The following TRPC4AP variants were observed in gnomAD, a reference collection of about 807,000 sequenced individuals.
TRPC4AP encodes the protein short transient receptor potential channel 4-associated protein.
Under a neutral mutation model 99.0 loss-of-function variants are expected in TRPC4AP, and 45 were observed. The observed-to-expected ratio is 0.45, with a 90% CI of 0.36 to 0.58. The LOEUF is 0.58. TRPC4AP is among the 20% of genes least tolerant of loss of function. TRPC4AP has a pLI of 0.00. For missense variants in TRPC4AP, 879 were observed against 985.3 expected (o/e 0.89, Z 1.44); for synonymous variants, 408 against 385.8 (o/e 1.06, Z -0.67).
At chr20:35,061,146 T>C (rs1470889522) in intron 3 of TRPC4AP, among the ~76,000 whole-genome samples, 2 of 152,308 alleles carry the variant, frequency 1.3e-5, no homozygotes, top group East Asian at 3.9e-4. Flanking sequence ...TTCAGCAAGA[T>C]TTCACGATAT....
Position 35,007,622 on chromosome 20 carries a change from A to G in TRPC4AP, c.1614T>C (p.Ala538=), listed in dbSNP as rs2082541867. 5 of 1,614,240 alleles carry G rather than the reference A, an allele frequency of 3.1e-6. No individual in the cohort carries two copies. The East Asian group carries it at 8.9e-5, about 29-fold the overall frequency. The part of the protein sequence containing the change: ...ESSFRFWQAR[A]VESFLRGTTS... ...TGGTCCCTCGGAGGAAACTCTCCAC[A>G]GCCCGAGCTTGCCAAAACCTGCGAC... The change falls in exon 14 of 19, where the codon GCT becomes GCC. Residue 538 remains alanine (A), a synonymous_variant. Coordinates refer to ENST00000252015, the MANE Select transcript of TRPC4AP (RefSeq NM_015638.3).
chr20:35,044,827 C>T, intron 6 of TRPC4AP, 115 bp from the exon 7 acceptor site: 1 of 941,774 alleles, frequency 1.1e-6, no homozygotes, highest in Non-Finnish European at 1.6e-6. Context: ...ACTTAGGTTC[C>T]TATCCCAGCT....
At chr20:35,017,937 A>C (rs1433380616) in intron 9 of TRPC4AP, among the ~76,000 whole-genome samples, 1 of 152,174 alleles carries the variant, frequency 6.6e-6, no homozygotes, top group Non-Finnish European at 1.5e-5. Flanking sequence ...TCTGCCACTC[A>C]GGCCTTTACT....
chr20:35,060,053 C>G (rs2083957189), intron 3 of TRPC4AP, among the ~76,000 whole-genome samples: 1 of 151,700 alleles, frequency 6.6e-6, no homozygotes, highest in Admixed American at 6.6e-5. Flanking sequence ...TAAAGAAAAA[C>G]CTTGGACATG....
intron 4 of TRPC4AP, among the ~76,000 whole-genome samples, chr20:35,055,488 T>C (rs1017207689): frequency 2.6e-5 from 4 of 152,246 alleles, no homozygotes; most frequent in African/African-American, 9.6e-5. Flanking sequence ...GTAGAACTAC[T>C]AGAATCTAAA....
chr20:35,074,610 TTTGATTGCA>T (rs1364229066), intron 2 of TRPC4AP, among the ~76,000 whole-genome samples: 5 of 152,242 alleles, frequency 3.3e-5, no homozygotes, highest in Non-Finnish European at 7.3e-5. Context: ...TGAGTTCTAG[TTTGATTGCA>T]CTGTTGTCTG....
chr20:35,066,105 A>T (rs2084137474), intron 3 of TRPC4AP, among the ~76,000 whole-genome samples: 1 of 152,064 alleles, frequency 6.6e-6, no homozygotes, highest in South Asian at 2.1e-4. Flanking sequence ...CCGCATAAAG[A>T]GTACAATTTT....
intron 5 of TRPC4AP, among the ~76,000 whole-genome samples, chr20:35,052,782 G>A (rs1343294779): frequency 6.6e-6 from 1 of 152,132 alleles, no homozygotes; most frequent in Non-Finnish European, 1.5e-5. Context: ...GATAGCCACC[G>A]TGCCCGGCCA....
chr20:35,070,373 A>G lies in TRPC4AP; in HGVS notation c.298-961T>C, dbSNP rs550712158. ...CCAAAACAATCTACAACTCATTTGT[A>G]ACATTTAGCACTTTTACTTTGCACC... On this transcript the variant is annotated intron_variant, in intron 2 of 18. Coordinates refer to ENST00000252015, the MANE Select transcript of TRPC4AP (RefSeq NM_015638.3). Among the ~76,000 whole-genome samples, 106 of 152,228 alleles carry G rather than the reference A, an allele frequency of 7.0e-4. 1 individual carries two copies. The highest frequency in any genetic ancestry group is 2.4e-3 in the African/African-American group (101 of 41,542).
intron 6 of TRPC4AP, among the ~76,000 whole-genome samples, chr20:35,046,264 T>C (rs1191668449): frequency 6.6e-6 from 1 of 152,196 alleles, no homozygotes; most frequent in Non-Finnish European, 1.5e-5. Context: ...AATGATAATT[T>C]TATGGAATGC....
intron 1 of TRPC4AP, among the ~76,000 whole-genome samples, chr20:35,080,934 G>A (rs2084628428): frequency 6.6e-6 from 1 of 151,914 alleles, no homozygotes; most frequent in Admixed American, 6.6e-5. Flanking sequence ...ATGAACATAA[G>A]TGAACTTTTT....
At chr20:35,044,247 C>T (rs1300286034) in intron 7 of TRPC4AP, among the ~76,000 whole-genome samples, 6 of 151,328 alleles carry the variant, frequency 4.0e-5, no homozygotes, top group Non-Finnish European at 8.8e-5. Flanking sequence ...AAAAATTAGC[C>T]CGGTGTGGTG....
rs147993758 is a variant in TRPC4AP at position 35,071,174 on chromosome 20, T to C, written c.298-1762A>G. On this transcript the variant is annotated intron_variant, in intron 2 of 18. Coordinates refer to ENST00000252015, the MANE Select transcript of TRPC4AP (RefSeq NM_015638.3). ...AATTAGTTTCTATTACATTTTAAAA[T>C]AACTTACTATGTGATATAATAATCA... Among the ~76,000 whole-genome samples the C allele has an allele frequency of 4.5e-3, 691 of 152,346 alleles. 3 individuals carry two copies. Among genetic ancestry groups the C allele is most frequent in the African/African-American group, 0.016 (663 of 41,584 alleles).
At chr20:35,050,382 T>C (rs1412675719) in intron 5 of TRPC4AP, among the ~76,000 whole-genome samples, 2 of 69,866 alleles carry the variant, frequency 2.9e-5, no homozygotes, top group African/African-American at 6.4e-5. Context: ...CTTCTCACCT[T>C]TGGAACTCCA....
chr20:35,036,090 C>T (rs879924640), intron 7 of TRPC4AP, among the ~76,000 whole-genome samples: 4 of 152,096 alleles, frequency 2.6e-5, no homozygotes, highest in African/African-American at 4.8e-5. Flanking sequence ...TTCTTTCCAC[C>T]AATCTCATTT....
chr20:35,024,509 A>G (rs1186150983), intron 8 of TRPC4AP, among the ~76,000 whole-genome samples: 1 of 152,140 alleles, frequency 6.6e-6, no homozygotes, highest in Non-Finnish European at 1.5e-5. Context: ...TTATTGCTGA[A>G]TAATATCCGC....
intron 3 of TRPC4AP, among the ~76,000 whole-genome samples, chr20:35,064,290 C>T (rs1365527704): frequency 1.3e-5 from 2 of 152,188 alleles, no homozygotes; most frequent in Non-Finnish European, 2.9e-5. Context: ...TCCAAGACAC[C>T]TCAAGCCAAA....
At chr20:35,006,823 C>T (rs1362532148) in intron 14 of TRPC4AP, among the ~76,000 whole-genome samples, 1 of 152,246 alleles carries the variant, frequency 6.6e-6, no homozygotes, top group Non-Finnish European at 1.5e-5. Flanking sequence ...ACAGCTGAAG[C>T]CTGTGACCTG....
chr20:35,086,523 ATATGTGTGTGTG>A lies in TRPC4AP; in HGVS notation c.168+6079_168+6090del, dbSNP rs1433262318. Among the ~76,000 whole-genome samples, 275 of 99,142 alleles carry A rather than the reference ATATGTGTGTGTG, an allele frequency of 2.8e-3. 17 individuals are homozygous for A. Among genetic ancestry groups the A allele is most frequent in the African/African-American group, 0.01 (251 of 24,882 alleles). The allele number at this position is 99,142 out of a possible 152,430, so 65.0% of individuals were successfully genotyped here. A position where few individuals can be genotyped will look rare whatever the true frequency, so the allele number is the denominator to read the frequency against. On this transcript the variant is annotated intron_variant, in intron 1 of 18. Coordinates refer to ENST00000252015, the MANE Select transcript of TRPC4AP (RefSeq NM_015638.3). The stretch of plus-strand genomic sequence containing the variant: ...TGTATATATATGTGTGTGTGTGTAT[ATATGTGTGTGTG>A]TGTGTGTGTGTGTGTGTGTGTGTGT...
Sources: allele counts gnomAD v4.1 joint callset (sites outside exome capture counted in the v4.1 genomes callset), GRCh38; gene constraint gnomAD v4.1.1; transcripts MANE v1.5; gene names NCBI Gene and HGNC (gene_info 2026-07-23, HGNC 2026-07-21).